Variants in PRSS55 observed in about 807,000 individuals in gnomAD.
PRSS55 encodes the protein serine protease 55.
PRSS55 carries 41 observed loss-of-function variants against 23.6 expected under a neutral mutation model. That is an observed-to-expected ratio of 1.74 (90% CI 1.35 to 2.26). The LOEUF is 2.26. Among genes scored for constraint, PRSS55 ranks in the 30% most tolerant of loss-of-function variants. The pLI is 0.00. For missense variants in PRSS55, 669 were observed against 439.1 expected, an observed-to-expected ratio of 1.52 and a Z score of -4.68; for synonymous variants, 262 against 175.5, an observed-to-expected ratio of 1.49 and a Z score of -3.90.
At chr8:10,531,191 T>G in intron 2 of PRSS55, 104 bp from the exon 3 acceptor site, 1 of 1,409,300 alleles carries the variant, frequency 7.1e-7, no homozygotes, top group Non-Finnish European at 9.8e-7. Context: ...GGTTTAAAGG[T>G]CCTAGAGCTA....
intron 4 of PRSS55, among the ~76,000 whole-genome samples, chr8:10,549,741 A>C (rs780127603): frequency 6.6e-6 from 1 of 152,120 alleles, no homozygotes; most frequent in Non-Finnish European, 1.5e-5. Flanking sequence ...AGAAAGACGG[A>C]GTGCTTGGGA....
intron 4 of PRSS55, among the ~76,000 whole-genome samples, chr8:10,547,208 C>G (rs1812838891): frequency 6.6e-6 from 1 of 152,200 alleles, no homozygotes; most frequent in Non-Finnish European, 1.5e-5. Context: ...ACACTCTTTC[C>G]AGAGTGAGCC....
intron 4 of PRSS55, 95 bp downstream of exon 4, chr8:10,533,143 C>G (rs1293332675): frequency 3.0e-6 from 4 of 1,340,838 alleles, no homozygotes; most frequent in Non-Finnish European, 4.1e-6. Context: ...ATAGACAATT[C>G]TGAGTCTGGA....
downstream of PRSS55, among the ~76,000 whole-genome samples, chr8:10,543,527 G>A (rs1438975545): frequency 1.4e-5 from 2 of 145,700 alleles, no homozygotes; most frequent in Non-Finnish European, 1.5e-5. Context: ...CAGGCTCAGT[G>A]CAGCGGCACC....
downstream of PRSS55, among the ~76,000 whole-genome samples, chr8:10,543,207 T>G (rs1812709074): frequency 6.6e-6 from 1 of 152,050 alleles, no homozygotes; most frequent in South Asian, 2.1e-4. Flanking sequence ...ACCTGGGACA[T>G]GCACAGGCTC....
At chr8:10,534,428 C>G (rs917148592) in intron 4 of PRSS55, among the ~76,000 whole-genome samples, 1 of 152,170 alleles carries the variant, frequency 6.6e-6, no homozygotes, top group African/African-American at 2.4e-5. Context: ...TCTCAAGGAT[C>G]ATGGAATGAG....
intron 1 of PRSS55, among the ~76,000 whole-genome samples, chr8:10,528,069 G>C (rs1394054644): frequency 1.3e-5 from 2 of 152,020 alleles, no homozygotes; most frequent in Non-Finnish European, 2.9e-5. Flanking sequence ...TACAAAAACT[G>C]TAGTCCCAGC....
intron 2 of PRSS55, among the ~76,000 whole-genome samples, chr8:10,530,557 G>A (rs557315170): frequency 2.2e-4 from 34 of 152,162 alleles, no homozygotes; most frequent in African/African-American, 6.0e-4. Flanking sequence ...AATAGCCCTC[G>A]TTTATAGATA....
intron 1 of PRSS55, 196 bp from the exon 2 acceptor site, chr8:10,529,311 T>C: frequency 1.6e-6 from 1 of 629,846 alleles, no homozygotes; most frequent in Admixed American, 2.5e-5. Flanking sequence ...TGCTGAGCTC[T>C]GTGTAGACAA....
chr8:10,533,199 G>A, intron 4 of PRSS55, 151 bp downstream of exon 4: 1 of 843,332 alleles, frequency 1.2e-6, no homozygotes. Context: ...TGAGTATGTG[G>A]ATTTCAGATC....
chr8:10,531,736 T>C, intron 3 of PRSS55, 191 bp downstream of exon 3: 1 of 674,800 alleles, frequency 1.5e-6, no homozygotes, highest in Non-Finnish European at 2.5e-6. Context: ...TCTGAGCCAG[T>C]CCCCTAGTGC....
chr8:10,553,143 AGT>A (rs1812987575), intron 4 of PRSS55, among the ~76,000 whole-genome samples: 1 of 152,118 alleles, frequency 6.6e-6, no homozygotes, highest in Non-Finnish European at 1.5e-5. Context: ...CATGATAGTG[AGT>A]GAGTTCTCAC....
intron 2 of PRSS55, among the ~76,000 whole-genome samples, chr8:10,530,414 G>A (rs11783577): frequency 1.3e-5 from 2 of 152,222 alleles, no homozygotes; most frequent in African/African-American, 2.4e-5. Context: ...GGCAGATGTT[G>A]CAGTGAGCCA....
chr8:10,531,123 TTTTG>T (rs1050428233), intron 2 of PRSS55, among the ~76,000 whole-genome samples, 168 bp from the exon 3 acceptor site: 2 of 151,998 alleles, frequency 1.3e-5, no homozygotes, highest in African/African-American at 2.4e-5. Context: ...TTTTGTTTTG[TTTTG>T]TTTTTTCCTA....
chr8:10,542,084 C>T (rs981290476), downstream of PRSS55, among the ~76,000 whole-genome samples: 2 of 152,182 alleles, frequency 1.3e-5, no homozygotes, highest in South Asian at 4.1e-4. Context: ...GGCCCTGTTT[C>T]ACCCGTGAAA....
At chr8:10,547,441 T>C (rs1474159623) in intron 4 of PRSS55, 1 of 152,454 alleles carries the variant, frequency 6.6e-6, no homozygotes, top group Non-Finnish European at 1.5e-5. Context: ...TTTTGTGGAC[T>C]CCAGAGGTGG....
downstream of PRSS55, among the ~76,000 whole-genome samples, chr8:10,542,318 T>C (rs1038051990): frequency 1.3e-4 from 19 of 151,722 alleles, no homozygotes; most frequent in African/African-American, 3.9e-4. Context: ...ACAATGTCTG[T>C]TGGACATGGA....
intron 4 of PRSS55, among the ~76,000 whole-genome samples, chr8:10,549,605 C>T (rs551750923): frequency 6.6e-6 from 1 of 152,312 alleles, no homozygotes; most frequent in East Asian, 1.9e-4. Flanking sequence ...AGATGCGAAA[C>T]AAGGCCCCAG....
chr8:10,553,898 T>C (rs1465775234), intron 4 of PRSS55: 1 of 1,310,312 alleles, frequency 7.6e-7, no homozygotes, highest in Non-Finnish European at 1.0e-6. Context: ...GTACAATAAA[T>C]ACATAAAATT....
Sources: allele counts gnomAD v4.1 joint callset (sites outside exome capture counted in the v4.1 genomes callset), GRCh38; gene constraint gnomAD v4.1.1; transcripts MANE v1.5; gene names NCBI Gene and HGNC (gene_info 2026-07-23, HGNC 2026-07-21).